Variants in LMAN1 observed in about 807,000 individuals in gnomAD.
LMAN1 encodes protein ERGIC-53.
A neutral mutation model predicts 67.8 loss-of-function variants in LMAN1; 32 were observed. That is an observed-to-expected ratio of 0.47 (90% CI 0.36 to 0.63). The LOEUF (loss-of-function observed/expected upper bound fraction) is 0.63, where lower values mean the gene tolerates loss of function less well. Among genes scored for constraint, LMAN1 ranks in the 30% least tolerant of loss-of-function variants. The pLI, the probability that LMAN1 is intolerant of heterozygous loss-of-function variation, is 0.00. For missense variants in LMAN1, 632 were observed against 628.2 expected, an observed-to-expected ratio of 1.01 and a Z score of -0.06; for synonymous variants, 235 against 219.3, an observed-to-expected ratio of 1.07 and a Z score of -0.63.
At chr18:59,351,002 CTG>C (rs1386693496) in intron 5 of LMAN1, among the ~76,000 whole-genome samples, 3 of 152,156 alleles carry the variant, frequency 2.0e-5, no homozygotes, top group Non-Finnish European at 2.9e-5. Context: ...CTTGCTTTGG[CTG>C]TGTTTCCCCC....
chr18:59,354,300 TA>T (rs778583368), intron 4 of LMAN1, among the ~76,000 whole-genome samples: 27 of 152,192 alleles, frequency 1.8e-4, no homozygotes, highest in Non-Finnish European at 3.4e-4. Context: ...GAGGTTAAAT[TA>T]AAAACACATA....
chr18:59,350,155 T>C lies in LMAN1; in HGVS notation c.640-919A>G, dbSNP rs534183358. Among the ~76,000 whole-genome samples, 19 of 152,346 alleles carry C rather than the reference T, an allele frequency of 1.2e-4. No individual in the cohort carries two copies. In the South Asian group the frequency reaches 3.1e-3, roughly 25 times the overall value. Reference sequence around the variant, plus strand: ...AATCTGTCAATATGAAGAGTTACTCTCTATATACTGTAGAATGGAAACATG... The same window carrying C: ...AATCTGTCAATATGAAGAGTTACTCCCTATATACTGTAGAATGGAAACATG... On this transcript the variant is annotated intron_variant, in intron 5 of 12. Transcript: ENST00000251047.
chr18:59,344,350 T>C (rs538539748), intron 8 of LMAN1, among the ~76,000 whole-genome samples: 7 of 152,300 alleles, frequency 4.6e-5, no homozygotes, highest in African/African-American at 1.4e-4. Context: ...TATACGTTTA[T>C]TGCAGCCCTA....
At position 59,355,517 on chromosome 18, in the gene LMAN1, C is replaced by A; in HGVS notation, c.356G>T (p.Gly119Val). 2 of 1,614,102 alleles carry A rather than the reference C, an allele frequency of 1.2e-6. No individual in the cohort carries two copies. Among genetic ancestry groups the A allele is most frequent in the Non-Finnish European group, 1.7e-6 (2 of 1,179,966 alleles). Reference sequence around the variant, plus strand: ...AAATGATCATACTAGGCCATCAGCTCCAATTCGACCTCTTCCAGTCACTCG... The same window carrying A: ...AAATGATCATACTAGGCCATCAGCTACAATTCGACCTCTTCCAGTCACTCG... ...TFRVTGRGRI[G>V]ADGLAIWYAE... is the part of the protein sequence containing the mutation. Residue 119 changes from glycine to valine, a missense_variant, in exon 2 of 13, where the codon GGA becomes GTA. Physicochemically the swap from Gly to Val is moderately radical, Grantham distance 109 (BLOSUM62 -3). Coordinates refer to ENST00000251047, the MANE Select transcript of LMAN1 (RefSeq NM_005570.4).
chr18:59,342,948 G>C (rs1908319553), intron 8 of LMAN1, among the ~76,000 whole-genome samples: 1 of 151,340 alleles, frequency 6.6e-6, no homozygotes, highest in South Asian at 2.1e-4. Context: ...AATGAATTCA[G>C]TAATGTTTCA....
chr18:59,350,550 A>G (rs986196446), intron 5 of LMAN1, among the ~76,000 whole-genome samples: 1 of 152,092 alleles, frequency 6.6e-6, no homozygotes, highest in African/African-American at 2.4e-5. Context: ...GCTGGAGTGC[A>G]GTGGTGTGAT....
intron 8 of LMAN1, among the ~76,000 whole-genome samples, chr18:59,339,482 G>C (rs912908086): frequency 8.5e-5 from 13 of 152,122 alleles, no homozygotes; most frequent in Admixed American, 7.9e-4. Flanking sequence ...TCCAAAATGG[G>C]CTTTTATGAT....
chr18:59,358,489 T>A (rs1390761076), intron 1 of LMAN1, among the ~76,000 whole-genome samples: 1 of 151,718 alleles, frequency 6.6e-6, no homozygotes, highest in Non-Finnish European at 1.5e-5. Context: ...ACTCTAATAC[T>A]ACTATATGCC....
chr18:59,333,835 A>G (rs1377346073), intron 10 of LMAN1: 1 of 151,196 alleles, frequency 6.6e-6, no homozygotes, highest in Non-Finnish European at 1.5e-5. Context: ...TTTAAAAAGT[A>G]AGAGCTTTAC....
At chr18:59,358,514 C>T (rs765621841) in intron 1 of LMAN1, among the ~76,000 whole-genome samples, 24 of 151,046 alleles carry the variant, frequency 1.6e-4, no homozygotes, top group Non-Finnish European at 2.7e-4. Context: ...CAGGAGCCGT[C>T]AGTGGGCATG....
Position 59,339,729 on chromosome 18 carries a change from T to C in LMAN1, c.956-776A>G, listed in dbSNP as rs539104482. ...GGAGAGAAGGGGGGACACTGGTCAC[T>C]CCCATGCACCCCTAGGAAGGTCCCT... is the stretch of plus-strand genomic sequence containing the variant. On this transcript the variant is annotated intron_variant, in intron 8 of 12. Transcript: ENST00000251047. 1.1e-3 allele frequency among the ~76,000 whole-genome samples: 165 copies of C among 152,202 alleles called. 1 individual carries two copies. The highest frequency in any genetic ancestry group is 1.7e-3 in the Non-Finnish European group (114 of 67,988).
chr18:59,356,996 G>A (rs959078473), intron 1 of LMAN1, among the ~76,000 whole-genome samples: 2 of 152,036 alleles, frequency 1.3e-5, no homozygotes, highest in Non-Finnish European at 2.9e-5. Flanking sequence ...GAAGGTAAAG[G>A]GCTGTGTTTA....
At chr18:59,345,838 G>C in intron 8 of LMAN1, 81 bp downstream of exon 8, 8 of 1,515,446 alleles carry the variant, frequency 5.3e-6, no homozygotes, top group Non-Finnish European at 7.3e-6. Flanking sequence ...GGATGAGCTA[G>C]GCAACACAGA....
intron 5 of LMAN1, 31 bp from the exon 6 acceptor site, chr18:59,349,267 G>A (rs771245731): frequency 6.3e-7 from 1 of 1,591,732 alleles, no homozygotes; most frequent in East Asian, 2.2e-5. Context: ...TATAGCTTTT[G>A]CAAAAGACAT....
In LMAN1 at chr18:59,338,966, TA is replaced by T. The variant is rs1908227475; in HGVS notation, c.956-14del. ...AATATTTCCTCCGCTGAAAAGGAAA[TA>T]AATAAAAATGATCAGAGTCACCTAC... On this transcript the variant is annotated splice_polypyrimidine_tract_variant and intron_variant, in intron 8 of 12. Coordinates refer to ENST00000251047, the MANE Select transcript of LMAN1 (RefSeq NM_005570.4). 1 of 1,607,242 alleles carries T rather than the reference TA, an allele frequency of 6.2e-7. No individual in the cohort carries two copies. The highest frequency in any genetic ancestry group is 8.5e-7 in the Non-Finnish European group (1 of 1,177,430).
intron 11 of LMAN1, among the ~76,000 whole-genome samples, chr18:59,332,011 C>A (rs1300559876): frequency 6.6e-6 from 1 of 152,176 alleles, no homozygotes; most frequent in Non-Finnish European, 1.5e-5. Flanking sequence ...TCTACAATCT[C>A]ATATCATTCA....
At chr18:59,356,561 T>C (rs1003766371) in intron 1 of LMAN1, among the ~76,000 whole-genome samples, 5 of 152,220 alleles carry the variant, frequency 3.3e-5, no homozygotes, top group Admixed American at 2.6e-4. Context: ...GAAATACAAC[T>C]GTAACTGTAA....
chr18:59,336,437 A>T (rs914902994), intron 10 of LMAN1, among the ~76,000 whole-genome samples: 1 of 152,220 alleles, frequency 6.6e-6, no homozygotes, highest in Non-Finnish European at 1.5e-5. Flanking sequence ...AGCAAAATAA[A>T]TAAGGAGAGT....
At chr18:59,339,470 A>G (rs539896285) in intron 8 of LMAN1, among the ~76,000 whole-genome samples, 11 of 152,288 alleles carry the variant, frequency 7.2e-5, no homozygotes, top group African/African-American at 2.4e-4. Flanking sequence ...AGGGCCCTGC[A>G]GTCCAAAATG....
Sources: allele counts gnomAD v4.1 joint callset (sites outside exome capture counted in the v4.1 genomes callset), GRCh38; gene constraint gnomAD v4.1.1; transcripts MANE v1.5; gene names NCBI Gene and HGNC (gene_info 2026-07-23, HGNC 2026-07-21).